The following SGCZ variants were observed in gnomAD, a reference collection of about 807,000 sequenced individuals.
SGCZ encodes the protein sarcoglycan zeta.
SGCZ carries 40 observed loss-of-function variants against 41.3 expected under a neutral mutation model. The observed-to-expected ratio is 0.97, with a 90% CI of 0.75 to 1.26. The LOEUF (loss-of-function observed/expected upper bound fraction) is 1.26, where lower values mean the gene tolerates loss of function less well. Among genes scored for constraint, SGCZ ranks in the 50% most tolerant of loss-of-function variants. The probability of loss-of-function intolerance (pLI) is 0.00; values close to 1 mark genes in which losing one functional copy is unlikely to be tolerated. For synonymous variants in SGCZ, 206 were observed against 137.5 expected (o/e 1.50, Z -3.49); for missense variants, 552 against 369.8 (o/e 1.49, Z -4.04).
At chr8:14,309,027 T>C (rs1208960558) in intron 3 of SGCZ, 5 of 1,216,808 alleles carry the variant, frequency 4.1e-6, no homozygotes, top group Non-Finnish European at 5.8e-6. Flanking sequence ...TACCAGAAAA[T>C]GAAACCGGAA....
Position 14,168,762 on chromosome 8 carries a change from T to G in SGCZ, c.425-4060A>C, listed in dbSNP as rs774258146. Among the ~76,000 whole-genome samples the G allele has an allele frequency of 1.6e-4, 25 of 152,180 alleles. 1 individual carries two copies. The highest frequency in any genetic ancestry group is 3.2e-4 in the Non-Finnish European group (22 of 68,034). On this transcript the variant is annotated intron_variant, in intron 4 of 7. Coordinates refer to ENST00000382080, the MANE Select transcript of SGCZ (RefSeq NM_139167.4). Reference sequence around the variant, plus strand: ...TATGCTAGTCATTAAGAACTCATTGTGCAACATTTGCAGAAAATCTGTTAT... The same window carrying G: ...TATGCTAGTCATTAAGAACTCATTGGGCAACATTTGCAGAAAATCTGTTAT...
intron 1 of SGCZ, among the ~76,000 whole-genome samples, chr8:14,735,498 C>G (rs887985816): frequency 1.3e-5 from 2 of 152,178 alleles, no homozygotes; most frequent in African/African-American, 4.8e-5. Flanking sequence ...TTTGGAGTCT[C>G]AGACTTACAC....
chr8:14,171,028 G>T (rs1031664493), intron 4 of SGCZ, among the ~76,000 whole-genome samples: 1 of 151,754 alleles, frequency 6.6e-6, no homozygotes, highest in Admixed American at 6.6e-5. Context: ...AAATGTTACT[G>T]TATAATTTAT....
chr8:14,331,168 G>T lies in SGCZ; in HGVS notation c.235-6964C>A, dbSNP rs570759002. On this transcript the variant is annotated intron_variant, in intron 2 of 7. Coordinates refer to ENST00000382080, the MANE Select transcript of SGCZ (RefSeq NM_139167.4). Reference sequence around the variant, plus strand: ...ATGACAAATATTTGTAAGACATTAAGAATTAAATATTTTCAATAAAATAAA... The same window carrying T: ...ATGACAAATATTTGTAAGACATTAATAATTAAATATTTTCAATAAAATAAA... Among the ~76,000 whole-genome samples, 3 of 151,598 alleles carry T rather than the reference G, an allele frequency of 2.0e-5. No homozygotes were observed. In the South Asian group the frequency reaches 6.2e-4, roughly 32 times the overall value.
At chr8:14,808,158 GAC>G (rs997838129) in intron 1 of SGCZ, among the ~76,000 whole-genome samples, 1 of 152,110 alleles carries the variant, frequency 6.6e-6, no homozygotes, top group Non-Finnish European at 1.5e-5. Flanking sequence ...TACCATTCAG[GAC>G]ATAGGCATGG....
chr8:15,006,248 C>T (rs908134868), intron 1 of SGCZ, among the ~76,000 whole-genome samples: 3 of 152,140 alleles, frequency 2.0e-5, no homozygotes, highest in African/African-American at 4.8e-5. Flanking sequence ...GTCTCCAGAA[C>T]GGAATAGCAA....
chr8:14,356,841 A>C (rs1803314208), intron 2 of SGCZ, among the ~76,000 whole-genome samples: 2 of 152,102 alleles, frequency 1.3e-5, no homozygotes, highest in African/African-American at 4.8e-5. Flanking sequence ...CTTAAGTAAA[A>C]TAGTATATTT....
At chr8:14,682,436 A>ATT (rs11448326) in intron 1 of SGCZ, among the ~76,000 whole-genome samples, 25,577 of 141,558 alleles carry the variant, frequency 0.18, 2,835 homozygotes, top group Admixed American at 0.31. Context: ...CTGCAATGCA[A>ATT]TTTTTTTTTT....
intron 1 of SGCZ, among the ~76,000 whole-genome samples, chr8:14,950,291 A>G (rs1214096584): frequency 6.6e-6 from 1 of 151,954 alleles, no homozygotes; most frequent in Non-Finnish European, 1.5e-5. Flanking sequence ...CTGTATTGCC[A>G]AGCACATGTA....
intron 2 of SGCZ, among the ~76,000 whole-genome samples, chr8:14,447,790 TG>T (rs2117390401): frequency 6.6e-6 from 1 of 152,316 alleles, no homozygotes; most frequent in South Asian, 2.1e-4. Flanking sequence ...TTGAAGTACA[TG>T]CAATAAATGA....
chr8:14,421,696 T>C (rs1426826746), intron 2 of SGCZ, among the ~76,000 whole-genome samples: 1 of 152,142 alleles, frequency 6.6e-6, no homozygotes, highest in Non-Finnish European at 1.5e-5. Flanking sequence ...ACAAGCCCTA[T>C]CTTGTGTAAT....
chr8:14,468,247 G>C (rs1210401071), intron 2 of SGCZ, among the ~76,000 whole-genome samples: 1 of 151,890 alleles, frequency 6.6e-6, no homozygotes, highest in Non-Finnish European at 1.5e-5. Flanking sequence ...TTGGGTGATA[G>C]GCATCAGCAG....
At chr8:15,005,328 C>CTTTTTTTT (rs10603664) in intron 1 of SGCZ, among the ~76,000 whole-genome samples, 33 of 78,700 alleles carry the variant, frequency 4.2e-4, no homozygotes, top group East Asian at 6.8e-4. Flanking sequence ...TTTTCTTTTT[C>CTTTTTTTT]TTTTTTTTTT....
At chr8:14,196,565 T>A (rs557951029) in intron 4 of SGCZ, among the ~76,000 whole-genome samples, 1 of 152,224 alleles carries the variant, frequency 6.6e-6, no homozygotes, top group South Asian at 2.1e-4. Flanking sequence ...AAAACCTACG[T>A]ATATACACTA....
At chr8:14,326,681 A>T (rs974241396) in intron 2 of SGCZ, among the ~76,000 whole-genome samples, 3 of 152,216 alleles carry the variant, frequency 2.0e-5, no homozygotes, top group Non-Finnish European at 4.4e-5. Flanking sequence ...TTCAAGTGGA[A>T]TTAAAGAGTT....
intron 1 of SGCZ, among the ~76,000 whole-genome samples, chr8:14,617,456 G>A (rs1806142214): frequency 6.6e-6 from 1 of 152,044 alleles, no homozygotes; most frequent in Non-Finnish European, 1.5e-5. Context: ...TCATAGCTAT[G>A]ATTTATTTAA....
At chr8:14,452,850 C>T (rs1460469263) in intron 2 of SGCZ, among the ~76,000 whole-genome samples, 1 of 152,094 alleles carries the variant, frequency 6.6e-6, no homozygotes, top group African/African-American at 2.4e-5. Context: ...CTGTACAAAT[C>T]CCAGCACCTT....
rs1228053172 is a variant in SGCZ, at chr8:14,324,184, T to G, written c.255A>C (p.Arg85Ser). Residue 85 changes from arginine (R) to serine (S), a missense_variant, in exon 3 of 8, where the codon AGA becomes AGC. Coordinates refer to ENST00000382080, the MANE Select transcript of SGCZ (RefSeq NM_139167.4). ...NFTVDGMGNL[R>S]VTKKGIRLEG... ...CAAGTCGGATTCCCTTCTTGGTGAC[T>G]CTCAGATTTCCCATACCATCCTACA... is the stretch of plus-strand genomic sequence containing the variant. 4 of 1,612,564 alleles carry G rather than the reference T, an allele frequency of 2.5e-6. No homozygotes were observed. The highest frequency in any genetic ancestry group is 3.4e-6 in the Non-Finnish European group (4 of 1,179,010).
chr8:14,854,014 GATTAT>G (rs1803447556), intron 1 of SGCZ, among the ~76,000 whole-genome samples: 2 of 83,284 alleles, frequency 2.4e-5, no homozygotes, highest in Admixed American at 3.1e-4. Context: ...GTTTCTATGT[GATTAT>G]ATTATATATA....
Sources: allele counts gnomAD v4.1 joint callset (sites outside exome capture counted in the v4.1 genomes callset), GRCh38; gene constraint gnomAD v4.1.1; transcripts MANE v1.5; gene names NCBI Gene and HGNC (gene_info 2026-07-23, HGNC 2026-07-21).